The following AGPAT4 variants were observed in gnomAD, a reference collection of about 807,000 sequenced individuals.
The protein encoded by AGPAT4 is 1-acylglycerol-3-phosphate O-acyltransferase 4, also known as 1-acyl-sn-glycerol-3-phosphate acyltransferase delta.
Under a neutral mutation model 48.0 loss-of-function variants are expected in AGPAT4, and 15 were observed. The observed-to-expected ratio is 0.31, with a 90% CI of 0.21 to 0.48. The LOEUF is 0.48. Ranked by LOEUF, AGPAT4 falls within the 20% of genes least tolerant of loss-of-function variation. AGPAT4 has a pLI of 0.99. For missense variants in AGPAT4, 314 were observed against 482.5 expected (o/e 0.65, Z 3.27); for synonymous variants, 178 against 198.7 (o/e 0.90, Z 0.88).
intron 2 of AGPAT4, among the ~76,000 whole-genome samples, chr6:161,167,701 G>A (rs531860150): frequency 6.6e-6 from 1 of 152,208 alleles, no homozygotes; most frequent in Non-Finnish European, 1.5e-5. Context: ...CTGGAAGCTG[G>A]AGGCTTGATG....
Position 161,235,691 on chromosome 6 carries a change from G to A in AGPAT4, c.-89-3389C>T, listed in dbSNP as rs1782254562. Among the ~76,000 whole-genome samples, 1 of 152,152 alleles carries A rather than the reference G, an allele frequency of 6.6e-6. No homozygotes were observed. Among genetic ancestry groups the A allele is most frequent in the South Asian group, 2.1e-4 (1 of 4,824 alleles). On this transcript the variant is annotated intron_variant, in intron 1 of 8. Transcript: ENST00000320285. The surrounding 1 kb of genome is among the most constrained non-coding windows in gnomAD (Gnocchi z 6.2). ...ATGGCGGAAGGCAAAGGGGGAGCGG[G>A]CATCTTACAAGGCAGGAGGAAGAGC...
At position 161,267,992 on chromosome 6, in the gene AGPAT4, G is replaced by T. The variant is rs939549634; in HGVS notation, c.-90+5946C>A. The stretch of plus-strand genomic sequence containing the variant: ...AGACTGTGGAATATGCCATGGCAAG[G>T]TGTGAAGGTACAGGGGAAAGCAGAG... On this transcript the variant is annotated intron_variant, in intron 1 of 8. Coordinates refer to ENST00000320285, the MANE Select transcript of AGPAT4 (RefSeq NM_020133.3). The surrounding 1 kb of genome is among the most constrained non-coding windows in gnomAD (Gnocchi z 5.2). Among the ~76,000 whole-genome samples, 3 of 152,216 alleles carry T rather than the reference G, an allele frequency of 2.0e-5. No homozygotes were observed. The highest frequency in any genetic ancestry group is 7.2e-5 in the African/African-American group (3 of 41,460).
rs1782804459 is a variant in AGPAT4 at position 161,251,579 on chromosome 6, A to T, written c.-89-19277T>A. Among the ~76,000 whole-genome samples the T allele has an allele frequency of 6.6e-6, 1 of 152,178 alleles. No individual in the cohort carries two copies. The highest frequency in any genetic ancestry group is 1.5e-5 in the Non-Finnish European group (1 of 68,032). On this transcript the variant is annotated intron_variant, in intron 1 of 8. Coordinates refer to ENST00000320285, the MANE Select transcript of AGPAT4 (RefSeq NM_020133.3). The surrounding 1 kb of genome is among the most constrained non-coding windows in gnomAD (Gnocchi z 4.6). ...GCTGCACAACGTTACCCTGCATTAC[A>T]GACCAGCCTGTCCGGCCGCTGGTTA...
At position 161,219,913 on chromosome 6, in the gene AGPAT4, A is replaced by AGGCAGGCGGGCG. The variant is rs1781779637; in HGVS notation, c.178+12122_178+12123insCGCCCGCCTGCC. On this transcript the variant is annotated intron_variant, in intron 2 of 8. Coordinates refer to ENST00000320285, the MANE Select transcript of AGPAT4 (RefSeq NM_020133.3). This position sits in a 1 kb window ranked among gnomAD's most constrained non-coding sequence, Gnocchi z 4.9. ...CAGGCAGGCAGGCAGGCAGGCAGGC[A>AGGCAGGCGGGCG]GGCGGCAGGCAGGCAGGCAGGCAGG... Among the ~76,000 whole-genome samples the AGGCAGGCGGGCG allele has an allele frequency of 8.7e-6, 1 of 114,920 alleles. No homozygotes were observed. The highest frequency in any genetic ancestry group is 3.1e-4 in the South Asian group (1 of 3,232). 75.4% of individuals were successfully genotyped at this position (114,920 alleles called of 152,430 possible). A position where few individuals can be genotyped will look rare whatever the true frequency, so the allele number is the denominator to read the frequency against.
rs185543139 is a variant in AGPAT4 at position 161,146,800 on chromosome 6, C to T, written c.768-201G>A. The stretch of plus-strand genomic sequence containing the variant: ...CAGGCAAAAATGCAATTATGACCCA[C>T]GAAGGAACAACCCAGGGGCCAATTC... On this transcript the variant is annotated intron_variant, in intron 6 of 8. Transcript: ENST00000320285. This position sits in a 1 kb window ranked among gnomAD's most constrained non-coding sequence, Gnocchi z 7.1. Among the ~76,000 whole-genome samples the T allele has an allele frequency of 9.2e-5, 14 of 152,260 alleles. No individual in the cohort carries two copies. Among genetic ancestry groups the T allele is most frequent in the Non-Finnish European group, 1.9e-4 (13 of 68,020 alleles).
At position 161,216,104 on chromosome 6, in the gene AGPAT4, G is replaced by C. The variant is rs1481827033; in HGVS notation, c.178+15932C>G. 6.6e-6 allele frequency among the ~76,000 whole-genome samples: 1 copy of C among 152,210 alleles called. No individual in the cohort carries two copies. Among genetic ancestry groups the C allele is most frequent in the Admixed American group, 6.5e-5 (1 of 15,280 alleles). On this transcript the variant is annotated intron_variant, in intron 2 of 8. Transcript: ENST00000320285. The surrounding 1 kb of genome is among the most constrained non-coding windows in gnomAD (Gnocchi z 4.8). Reference sequence around the variant, plus strand: ...AGCCAGATTTGTGAGGCTGCCAAGAGCACTTTTCCCTCCTGCCTTGACAAG... The same window carrying C: ...AGCCAGATTTGTGAGGCTGCCAAGACCACTTTTCCCTCCTGCCTTGACAAG...
In AGPAT4 at chr6:161,173,780, T is replaced by G. The variant is rs1005786746; in HGVS notation, c.179-7363A>C. On this transcript the variant is annotated intron_variant, in intron 2 of 8. Coordinates refer to ENST00000320285, the MANE Select transcript of AGPAT4 (RefSeq NM_020133.3). ...CTTCTAGGGTTTTTATGGTTTTAGGTCTAACATTTAAGTCTTTAATCCACC... is the reference window on the plus strand; with the variant it reads ...CTTCTAGGGTTTTTATGGTTTTAGGGCTAACATTTAAGTCTTTAATCCACC... Among the ~76,000 whole-genome samples the G allele has an allele frequency of 2.0e-5, 3 of 152,222 alleles. No homozygotes were observed. In the South Asian group the frequency reaches 6.2e-4, roughly 31 times the overall value.
intron 2 of AGPAT4, among the ~76,000 whole-genome samples, chr6:161,203,512 C>A (rs370144348): frequency 6.6e-6 from 1 of 151,788 alleles, no homozygotes; most frequent in African/African-American, 2.4e-5. Context: ...CCCCGGCCCC[C>A]CAAGAAGCTG....
Position 161,215,497 on chromosome 6 carries a change from C to T in AGPAT4, c.178+16539G>A, listed in dbSNP as rs1781621935. On this transcript the variant is annotated intron_variant, in intron 2 of 8. Coordinates refer to ENST00000320285, the MANE Select transcript of AGPAT4 (RefSeq NM_020133.3). The surrounding 1 kb of genome is among the most constrained non-coding windows in gnomAD (Gnocchi z 4.5). Reference sequence around the variant, plus strand: ...GTAATCAGGTTCAGATATCCTGGTCCTTCAGCATGAGTGTGGTTCTCAGGT... The same window carrying T: ...GTAATCAGGTTCAGATATCCTGGTCTTTCAGCATGAGTGTGGTTCTCAGGT... Among the ~76,000 whole-genome samples, 1 of 152,180 alleles carries T rather than the reference C, an allele frequency of 6.6e-6. No homozygotes were observed. The highest frequency in any genetic ancestry group is 2.4e-5 in the African/African-American group (1 of 41,434).
In AGPAT4 at chr6:161,140,629, C is replaced by T. The variant is rs943811662; in HGVS notation, c.844-1009G>A. Among the ~76,000 whole-genome samples, 5 of 152,228 alleles carry T rather than the reference C, an allele frequency of 3.3e-5. No individual in the cohort carries two copies. Among genetic ancestry groups the T allele is most frequent in the Admixed American group, 6.5e-5 (1 of 15,290 alleles). ...GGACCCAGGAACCCAGGTCAGCAGG[C>T]GTGCTCAAGCGGCTGGGAGCTGAGC... On this transcript the variant is annotated intron_variant, in intron 7 of 8. Transcript: ENST00000320285. This position sits in a 1 kb window ranked among gnomAD's most constrained non-coding sequence, Gnocchi z 6.5.
Position 161,214,158 on chromosome 6 carries a change from C to T in AGPAT4, c.178+17878G>A, listed in dbSNP as rs2115020688. Among the ~76,000 whole-genome samples, 1 of 152,290 alleles carries T rather than the reference C, an allele frequency of 6.6e-6. No individual in the cohort carries two copies. Among genetic ancestry groups the T allele is most frequent in the Non-Finnish European group, 1.5e-5 (1 of 68,020 alleles). The stretch of plus-strand genomic sequence containing the variant: ...CTACCTGTGACCTGGAAGCCCCTCT[C>T]CTTCGAGTTGTCCTGCCTTTCCAGA... On this transcript the variant is annotated intron_variant, in intron 2 of 8. Coordinates refer to ENST00000320285, the MANE Select transcript of AGPAT4 (RefSeq NM_020133.3). The surrounding 1 kb of genome is among the most constrained non-coding windows in gnomAD (Gnocchi z 5.4).
rs190448936 is a variant in AGPAT4 at position 161,214,470 on chromosome 6, G to T, written c.178+17566C>A. Among the ~76,000 whole-genome samples the T allele has an allele frequency of 2.0e-5, 3 of 152,308 alleles. No homozygotes were observed. The highest frequency in any genetic ancestry group is 2.0e-4 in the Admixed American group (3 of 15,290). ...CTGTAACACAATGGTAACTATTTGT[G>T]TATCTAAACATAGGGCTGGGCATGG... On this transcript the variant is annotated intron_variant, in intron 2 of 8. Coordinates refer to ENST00000320285, the MANE Select transcript of AGPAT4 (RefSeq NM_020133.3). The surrounding 1 kb of genome is among the most constrained non-coding windows in gnomAD (Gnocchi z 5.4).
At position 161,165,567 on chromosome 6, in the gene AGPAT4, T is replaced by C; in HGVS notation, c.348+681A>G. 4 of 1,289,940 alleles carry C rather than the reference T, an allele frequency of 3.1e-6. No homozygotes were observed. The highest frequency in any genetic ancestry group is 4.1e-6 in the Non-Finnish European group (4 of 983,732). 79.9% of individuals were successfully genotyped at this position (1,289,940 alleles called of 1,614,324 possible). On this transcript the variant is annotated intron_variant, in intron 3 of 8. Transcript: ENST00000320285. This position sits in a 1 kb window ranked among gnomAD's most constrained non-coding sequence, Gnocchi z 5.5. Reference sequence around the variant, plus strand: ...TGTACACTGTGTACACTGTGATTCCTACGGAATACCTGAGTACCGCAGATG... The same window carrying C: ...TGTACACTGTGTACACTGTGATTCCCACGGAATACCTGAGTACCGCAGATG...
intron 2 of AGPAT4, among the ~76,000 whole-genome samples, chr6:161,211,744 A>T (rs529913003): frequency 6.6e-6 from 1 of 152,296 alleles, no homozygotes; most frequent in Admixed American, 6.5e-5. Flanking sequence ...ATCTCTCTGC[A>T]TGCACTTTTA....
In AGPAT4 at chr6:161,206,886, A is replaced by G. The variant is rs958051727; in HGVS notation, c.178+25150T>C. On this transcript the variant is annotated intron_variant, in intron 2 of 8. Transcript: ENST00000320285. The surrounding 1 kb of genome is among the most constrained non-coding windows in gnomAD (Gnocchi z 4.8). Reference sequence around the variant, plus strand: ...GTAATTGGTCAAAATAAGACACTCAATGGATGAGCTCAGCAGAAGAGTGAA... The same window carrying G: ...GTAATTGGTCAAAATAAGACACTCAGTGGATGAGCTCAGCAGAAGAGTGAA... Among the ~76,000 whole-genome samples, 1 of 152,248 alleles carries G rather than the reference A, an allele frequency of 6.6e-6. No individual in the cohort carries two copies. Among genetic ancestry groups the G allele is most frequent in the Non-Finnish European group, 1.5e-5 (1 of 68,044 alleles).
chr6:161,175,013 G>C (rs188898113), intron 2 of AGPAT4, among the ~76,000 whole-genome samples: 1 of 152,146 alleles, frequency 6.6e-6, no homozygotes, highest in Non-Finnish European at 1.5e-5. Context: ...TGATCGTGGT[G>C]GATAAGCTTT....
chr6:161,166,516 C>T lies in AGPAT4; in HGVS notation c.179-99G>A. 1 of 1,409,056 alleles carries T rather than the reference C, an allele frequency of 7.1e-7. No individual in the cohort carries two copies. 87.3% of individuals were successfully genotyped at this position (1,409,056 alleles called of 1,614,324 possible). ...CTGCCCTCCCAGCTAGGGGAGAAAG[C>T]AACTTCTACGGGCAAAGTTCTGGAT... On this transcript the variant is annotated intron_variant, in intron 2 of 8. Coordinates refer to ENST00000320285, the MANE Select transcript of AGPAT4 (RefSeq NM_020133.3). The surrounding 1 kb of genome is among the most constrained non-coding windows in gnomAD (Gnocchi z 6.7).
At chr6:161,167,175 G>C (rs1780125220) in intron 2 of AGPAT4, among the ~76,000 whole-genome samples, 2 of 152,114 alleles carry the variant, frequency 1.3e-5, no homozygotes. Flanking sequence ...GACTCTTGAA[G>C]TTGACGGTGT....
At position 161,195,911 on chromosome 6, in the gene AGPAT4, C is replaced by T. The variant is rs1241511219; in HGVS notation, c.179-29494G>A. The stretch of plus-strand genomic sequence containing the variant: ...ATGTGAATGTTCTCAAGGTCCGCTC[C>T]GATCCTATCTTTTCCCAAAGCTTCC... On this transcript the variant is annotated intron_variant, in intron 2 of 8. Transcript: ENST00000320285. The surrounding 1 kb of genome is among the most constrained non-coding windows in gnomAD (Gnocchi z 5.0). Among the ~76,000 whole-genome samples the T allele has an allele frequency of 3.3e-5, 5 of 152,168 alleles. No homozygotes were observed. The highest frequency in any genetic ancestry group is 7.3e-5 in the Non-Finnish European group (5 of 68,028).
Sources: allele counts gnomAD v4.1 joint callset (sites outside exome capture counted in the v4.1 genomes callset), GRCh38; gene constraint gnomAD v4.1.1; non-coding constraint Gnocchi (gnomAD v3.1); transcripts MANE v1.5; gene names NCBI Gene and HGNC (gene_info 2026-07-23, HGNC 2026-07-21).